The following MYO1H variants were observed in gnomAD, a reference collection of about 807,000 sequenced individuals.
MYO1H encodes myosin IH, also known as unconventional myosin-Ih.
A neutral mutation model predicts 149.3 loss-of-function variants in MYO1H; 118 were observed. That is an observed-to-expected ratio of 0.79 (90% confidence interval 0.68 to 0.92). The LOEUF is 0.92. Ranked by LOEUF, MYO1H falls within the 40% of genes least tolerant of loss-of-function variation. The pLI is 0.00. For synonymous variants in MYO1H, 447 were observed against 465.2 expected, an observed-to-expected ratio of 0.96 and a Z score of 0.50; for missense variants, 1,212 against 1,280.7, an observed-to-expected ratio of 0.95 and a Z score of 0.82.
At chr12:109,384,095 T>C (rs1869258756) in intron 1 of MYO1H, among the ~76,000 whole-genome samples, 1 of 152,202 alleles carries the variant, frequency 6.6e-6, no homozygotes, top group South Asian at 2.1e-4. Flanking sequence ...AATCGGAAGT[T>C]CTGGCAACAC....
At chr12:109,410,816 A>G in intron 13 of MYO1H, 48 bp downstream of exon 13, 1 of 1,267,670 alleles carries the variant, frequency 7.9e-7, no homozygotes, top group Non-Finnish European at 1.1e-6. Context: ...GGCACTTACA[A>G]CTCTTGGAAG....
At chr12:109,376,326 T>A (rs1402956819) in intron 1 of MYO1H, among the ~76,000 whole-genome samples, 2 of 152,252 alleles carry the variant, frequency 1.3e-5, no homozygotes, top group African/African-American at 4.8e-5. Flanking sequence ...GGATATTTCA[T>A]ATAAATGAAG....
At chr12:109,404,344 C>A (rs1423627732) in intron 7 of MYO1H, among the ~76,000 whole-genome samples, 3 of 152,034 alleles carry the variant, frequency 2.0e-5, no homozygotes, top group African/African-American at 7.2e-5. Context: ...TAACCAGGCG[C>A]GGTGGCAGGC....
chr12:109,392,420 C>A (rs192763767), intron 2 of MYO1H, among the ~76,000 whole-genome samples: 1 of 152,280 alleles, frequency 6.6e-6, no homozygotes, highest in East Asian at 1.9e-4. Flanking sequence ...TCAGGTGTCA[C>A]CTCCTTAAAG....
At chr12:109,337,013 C>T in the MYO1H span, among the ~76,000 whole-genome samples, 3 of 152,156 alleles carry the variant, frequency 2.0e-5, no homozygotes, top group East Asian at 1.9e-4. Context: ...AACAGGAACC[C>T]ACTACCCCAT....
chr12:109,418,563 T>C lies in MYO1H; in HGVS notation c.1598-2418T>C, dbSNP rs531099989. 2.2e-3 allele frequency among the ~76,000 whole-genome samples: 335 copies of C among 152,122 alleles called. 2 individuals carry two copies. In the Middle Eastern group the frequency reaches 0.027, roughly 12 times the overall value. ...CAGGGTTTTGTTTTGTTTTGTTTTG[T>C]TTTTTAGACGGAGTCTCGCCTGTGG... On this transcript the variant is annotated intron_variant, in intron 15 of 31. Transcript: ENST00000310903.
In MYO1H at chr12:109,373,082, T is replaced by G. The variant is rs7303374; in HGVS notation, c.13-15601T>G. On this transcript the variant is annotated intron_variant, in intron 1 of 31. Coordinates refer to ENST00000310903, the Ensembl canonical transcript of MYO1H. ...AATTATTTGGTTACATTAGAGCTAT[T>G]GATTTTTGTTTATTAACTTTGTATA... Among the ~76,000 whole-genome samples, 442 of 152,242 alleles carry G rather than the reference T, an allele frequency of 2.9e-3. 4 individuals carry two copies. Among genetic ancestry groups the G allele is most frequent in the African/African-American group, 9.6e-3 (398 of 41,574 alleles).
At chr12:109,337,372 C>T in the MYO1H span, among the ~76,000 whole-genome samples, 57 of 152,218 alleles carry the variant, frequency 3.7e-4, no homozygotes, top group African/African-American at 1.2e-3. Context: ...AATCCCACCT[C>T]GATAGGATGT....
At chr12:109,413,628 G>A (rs1870768530) in intron 14 of MYO1H, among the ~76,000 whole-genome samples, 1 of 152,172 alleles carries the variant, frequency 6.6e-6, no homozygotes, top group African/African-American at 2.4e-5. Flanking sequence ...TACATACTGT[G>A]GCCGAGCGTG....
At chr12:109,386,934 A>C (rs757601160) in intron 1 of MYO1H, among the ~76,000 whole-genome samples, 6 of 150,986 alleles carry the variant, frequency 4.0e-5, no homozygotes, top group Non-Finnish European at 7.4e-5. Flanking sequence ...CCCCTTGTTT[A>C]CTTCCAGTAG....
rs544907274 is a variant in MYO1H at position 109,381,083 on chromosome 12, C to T, written c.13-7600C>T. On this transcript the variant is annotated intron_variant, in intron 1 of 31. Coordinates refer to ENST00000310903, the Ensembl canonical transcript of MYO1H. ...CTAGAAACAATGATTAACCCTGCAG[C>T]AATGACCACTCCTAGGGTATGAACG... Among the ~76,000 whole-genome samples the T allele has an allele frequency of 3.3e-5, 5 of 152,248 alleles. No homozygotes were observed. The South Asian group carries it at 1.0e-3, about 32-fold the overall frequency.
intron 21 of MYO1H, 95 bp from the exon 22 acceptor site, chr12:109,436,393 C>T (rs913662918): frequency 8.7e-6 from 7 of 808,576 alleles, no homozygotes; most frequent in Admixed American, 4.2e-5. Flanking sequence ...ACTTTGATGC[C>T]CCCTTCCATC....
intron 1 of MYO1H, among the ~76,000 whole-genome samples, chr12:109,375,693 C>A (rs1239785835): frequency 6.6e-6 from 1 of 152,078 alleles, no homozygotes; most frequent in Non-Finnish European, 1.5e-5. Context: ...ATGAAGAAAT[C>A]CTGGCTAGGA....
the MYO1H span, among the ~76,000 whole-genome samples, chr12:109,332,669 C>A: frequency 6.6e-6 from 1 of 152,226 alleles, no homozygotes; most frequent in Non-Finnish European, 1.5e-5. Flanking sequence ...CCTCAAACTC[C>A]TGGGCTCAGG....
chr12:109,373,704 AT>A (rs1284408371), intron 1 of MYO1H, among the ~76,000 whole-genome samples: 1 of 152,230 alleles, frequency 6.6e-6, no homozygotes, highest in African/African-American at 2.4e-5. Context: ...TTATTACAAA[AT>A]ATCACACACA....
intron 1 of MYO1H, among the ~76,000 whole-genome samples, chr12:109,386,370 T>C (rs1869309461): frequency 6.6e-6 from 1 of 150,494 alleles, no homozygotes; most frequent in South Asian, 2.1e-4. Flanking sequence ...GTGTAAATAC[T>C]TAGGAGTGGA....
At chr12:109,400,216 A>G (rs1870103100) in intron 5 of MYO1H, among the ~76,000 whole-genome samples, 1 of 152,194 alleles carries the variant, frequency 6.6e-6, no homozygotes, top group East Asian at 1.9e-4. Flanking sequence ...GGACCGTGAC[A>G]TATAGCACTT....
chr12:109,388,780 C>T (rs752321520), exon 2 of MYO1H: 9 of 1,613,110 alleles, frequency 5.6e-6, no homozygotes, highest in Non-Finnish European at 7.6e-6. Flanking sequence ...CTATTGGACG[C>T]GTACACCAGC....
chr12:109,350,410 A>G (rs989905894), intron 1 of MYO1H, among the ~76,000 whole-genome samples: 5 of 152,186 alleles, frequency 3.3e-5, no homozygotes, highest in Middle Eastern at 3.2e-3. Context: ...ATGGTAGTGA[A>G]TAAGTCTCAT....
Sources: gnomAD v4.1 joint callset for allele counts (sites outside exome capture counted in the v4.1 genomes callset) on GRCh38, gnomAD v4.1.1 for gene constraint, MANE v1.5 for transcripts, NCBI Gene and HGNC (gene_info 2026-07-23, HGNC 2026-07-21) for gene names.